Variants in PSD3 observed in about 807,000 individuals in gnomAD.
The protein encoded by PSD3 is PH and SEC7 domain-containing protein 3.
PSD3 carries 49 observed loss-of-function variants against 105.5 expected under a neutral mutation model. The observed-to-expected ratio is 0.46, with a 90% CI of 0.37 to 0.59. The LOEUF (loss-of-function observed/expected upper bound fraction) is 0.59, where lower values mean the gene tolerates loss of function less well. Among genes scored for constraint, PSD3 ranks in the 20% least tolerant of loss-of-function variants. PSD3 has a pLI of 0.00. For missense variants in PSD3, 1,561 were observed against 1,263.8 expected (o/e 1.24, Z -3.57); for synonymous variants, 557 against 457.8 (o/e 1.22, Z -2.77).
intron 15 of PSD3, among the ~76,000 whole-genome samples, chr8:18,537,329 A>C (rs529411418): frequency 1.3e-5 from 2 of 152,366 alleles, no homozygotes; most frequent in South Asian, 4.1e-4. Flanking sequence ...GATTTGAACC[A>C]AGGCAATCTG....
At chr8:18,940,061 T>C (rs1412953415) in intron 1 of PSD3, 1 of 152,202 alleles carries the variant, frequency 6.6e-6, no homozygotes, top group Non-Finnish European at 1.5e-5. Context: ...AGAGTGGTTC[T>C]CAAAATTTAT....
chr8:19,026,701 CAAAAA>C (rs10669321), intron 1 of PSD3, among the ~76,000 whole-genome samples: 4 of 82,246 alleles, frequency 4.9e-5, no homozygotes, highest in East Asian at 4.1e-4. Flanking sequence ...CACATCTCTA[CAAAAA>C]AAAAAAAAAA....
At chr8:18,935,706 A>AAC (rs1554546793) in intron 2 of PSD3, among the ~76,000 whole-genome samples, 1 of 151,176 alleles carries the variant, frequency 6.6e-6, no homozygotes, top group Non-Finnish European at 1.5e-5. Context: ...AAAAAAAAAA[A>AAC]AACCACCAAA....
chr8:18,579,702 A>C (rs1422955771), intron 12 of PSD3, among the ~76,000 whole-genome samples: 1 of 152,182 alleles, frequency 6.6e-6, no homozygotes, highest in Non-Finnish European at 1.5e-5. Flanking sequence ...ATGTACAAAA[A>C]ATTGGCATCA....
At chr8:19,079,978 C>A (rs997866272) in intron 1 of PSD3, among the ~76,000 whole-genome samples, 2 of 151,470 alleles carry the variant, frequency 1.3e-5, no homozygotes, top group Admixed American at 1.3e-4. Flanking sequence ...CAACCTCCAC[C>A]TTCTGGGTTC....
intron 2 of PSD3, among the ~76,000 whole-genome samples, chr8:18,901,403 G>A (rs1458384094): frequency 1.3e-5 from 2 of 152,168 alleles, no homozygotes; most frequent in East Asian, 1.9e-4. Flanking sequence ...TTTAAGTGGA[G>A]AATTTAATCC....
chr8:18,822,153 G>A (rs1377502882), intron 4 of PSD3, among the ~76,000 whole-genome samples: 1 of 152,030 alleles, frequency 6.6e-6, no homozygotes, highest in Non-Finnish European at 1.5e-5. Context: ...TGTGAAACAG[G>A]CATTCCAACT....
chr8:18,722,143 T>C (rs1285660821), intron 9 of PSD3, among the ~76,000 whole-genome samples: 2 of 150,928 alleles, frequency 1.3e-5, no homozygotes, highest in Non-Finnish European at 3.0e-5. Flanking sequence ...ACTAGATCGG[T>C]GGGTGGACGA....
chr8:18,552,831 C>T (rs1177791681), intron 15 of PSD3, among the ~76,000 whole-genome samples: 1 of 152,080 alleles, frequency 6.6e-6, no homozygotes, highest in African/African-American at 2.4e-5. Context: ...CAGTAACATC[C>T]CTTCGCTTAG....
At chr8:18,818,453 C>T (rs986953078) in intron 4 of PSD3, among the ~76,000 whole-genome samples, 4 of 151,846 alleles carry the variant, frequency 2.6e-5, no homozygotes, top group Admixed American at 2.0e-4. Context: ...GGAGGGTGAG[C>T]GCTGTGTTCT....
At chr8:18,686,414 T>A (rs1444282331) in intron 9 of PSD3, among the ~76,000 whole-genome samples, 2 of 152,230 alleles carry the variant, frequency 1.3e-5, no homozygotes, top group Non-Finnish European at 2.9e-5. Context: ...CATTGCCCTG[T>A]CCTTTTTAAA....
chr8:18,852,623 C>G (rs959428062), intron 4 of PSD3, among the ~76,000 whole-genome samples: 1 of 152,176 alleles, frequency 6.6e-6, no homozygotes, highest in Non-Finnish European at 1.5e-5. Context: ...TCCCAGCCCC[C>G]GTTGCCACTG....
At chr8:18,909,249 G>C (rs931980126) in intron 2 of PSD3, among the ~76,000 whole-genome samples, 4 of 152,110 alleles carry the variant, frequency 2.6e-5, no homozygotes, top group African/African-American at 7.2e-5. Context: ...CAAAGCTCCT[G>C]ATGTACAGAA....
chr8:18,818,771 T>C (rs1431848191), intron 4 of PSD3, among the ~76,000 whole-genome samples: 2 of 152,198 alleles, frequency 1.3e-5, no homozygotes, highest in East Asian at 3.9e-4. Context: ...TTTTCTGGCT[T>C]TCTAAAATGT....
At chr8:18,915,594 C>T (rs1798119356) in intron 2 of PSD3, among the ~76,000 whole-genome samples, 1 of 152,168 alleles carries the variant, frequency 6.6e-6, no homozygotes, top group Non-Finnish European at 1.5e-5. Context: ...CAAAAGAAGA[C>T]ATACAAATGG....
intron 11 of PSD3, among the ~76,000 whole-genome samples, chr8:18,608,263 C>G (rs1242954482): frequency 1.3e-5 from 2 of 152,150 alleles, no homozygotes; most frequent in Non-Finnish European, 2.9e-5. Context: ...CTACCTTGAG[C>G]TGTTGGGAAA....
intron 2 of PSD3, among the ~76,000 whole-genome samples, chr8:18,897,200 T>C (rs1488023353): frequency 6.6e-6 from 1 of 152,210 alleles, no homozygotes; most frequent in African/African-American, 2.4e-5. Flanking sequence ...TTCAGTATTT[T>C]TTCATATACC....
intron 11 of PSD3, among the ~76,000 whole-genome samples, chr8:18,632,167 G>A (rs1806948633): frequency 1.3e-5 from 2 of 152,012 alleles, no homozygotes; most frequent in African/African-American, 4.8e-5. Context: ...TACTGGATAT[G>A]AATTCCCTCC....
chr8:19,062,400 C>T (rs1828933288), intron 1 of PSD3, among the ~76,000 whole-genome samples: 2 of 152,142 alleles, frequency 1.3e-5, no homozygotes, highest in Admixed American at 1.3e-4. Context: ...CAAGTCCAAA[C>T]CCCATTTTGC....
Sources: gnomAD v4.1 joint callset for allele counts (sites outside exome capture counted in the v4.1 genomes callset) on GRCh38, gnomAD v4.1.1 for gene constraint, MANE v1.5 for transcripts, NCBI Gene and HGNC (gene_info 2026-07-23, HGNC 2026-07-21) for gene names.